POU6F2: variants seen among roughly 807,000 people sequenced by gnomAD.
POU6F2 encodes POU domain, class 6, transcription factor 2.
In POU6F2, 31 loss-of-function variants were observed where a neutral mutation model predicts 71.3. The observed-to-expected ratio is 0.43, with a 90% CI of 0.33 to 0.59. The LOEUF (loss-of-function observed/expected upper bound fraction) is 0.59, where lower values mean the gene tolerates loss of function less well. Among genes scored for constraint, POU6F2 ranks in the 20% least tolerant of loss-of-function variants. POU6F2 has a pLI of 0.04. For missense variants in POU6F2, 783 were observed against 856.8 expected (o/e 0.91, Z 1.07); for synonymous variants, 347 against 355.7 (o/e 0.98, Z 0.27).
intron 1 of POU6F2, among the ~76,000 whole-genome samples, chr7:39,011,874 G>A (rs1169698232): frequency 1.3e-5 from 2 of 150,966 alleles, no homozygotes; most frequent in African/African-American, 2.4e-5. Context: ...TGGCTTGTAG[G>A]GTTTCTGCCG....
At chr7:39,086,067 A>G in intron 2 of POU6F2, 36 bp downstream of exon 2, 1 of 1,598,014 alleles carries the variant, frequency 6.3e-7, no homozygotes, top group Non-Finnish European at 8.5e-7. Flanking sequence ...CAGTACTACC[A>G]TGTTGTCCGG....
At chr7:39,044,547 T>C (rs1213431790) in intron 1 of POU6F2, among the ~76,000 whole-genome samples, 2 of 151,986 alleles carry the variant, frequency 1.3e-5, no homozygotes, top group African/African-American at 4.8e-5. Context: ...CTGAGACTGA[T>C]AGATTTATAA....
intron 2 of POU6F2, among the ~76,000 whole-genome samples, 197 bp from the exon 3 acceptor site, chr7:39,204,038 C>A (rs1793958164): frequency 6.6e-6 from 1 of 152,158 alleles, no homozygotes; most frequent in Admixed American, 6.6e-5. Flanking sequence ...ACATTCCCTG[C>A]TGTTCTATTC....
At chr7:39,255,438 A>G (rs1784002722) in intron 4 of POU6F2, among the ~76,000 whole-genome samples, 2 of 152,208 alleles carry the variant, frequency 1.3e-5, no homozygotes, top group Admixed American at 6.5e-5. Flanking sequence ...GTTACGACTC[A>G]GGACAAAGAA....
intron 2 of POU6F2, among the ~76,000 whole-genome samples, chr7:39,116,069 C>A (rs1791922077): frequency 6.6e-6 from 1 of 152,144 alleles, no homozygotes; most frequent in Admixed American, 6.6e-5. Flanking sequence ...TATTCTCCTG[C>A]ACTCAGGGCA....
intron 4 of POU6F2, among the ~76,000 whole-genome samples, chr7:39,333,137 G>A (rs1788800202): frequency 1.3e-5 from 2 of 152,150 alleles, no homozygotes; most frequent in Admixed American, 1.3e-4. Flanking sequence ...CTGAGCAGGT[G>A]CAGCTCCCCT....
chr7:39,225,041 A>G (rs1367746699), intron 4 of POU6F2, among the ~76,000 whole-genome samples: 2 of 152,394 alleles, frequency 1.3e-5, no homozygotes, highest in East Asian at 3.9e-4. Flanking sequence ...TTGTGTTCAC[A>G]TAGAAATACC....
chr7:39,436,730 G>T (rs930724678), intron 7 of POU6F2, among the ~76,000 whole-genome samples: 1 of 152,108 alleles, frequency 6.6e-6, no homozygotes, highest in Non-Finnish European at 1.5e-5. Context: ...TCCAGCTTTT[G>T]CCCATTCAAT....
intron 1 of POU6F2, among the ~76,000 whole-genome samples, chr7:39,010,479 T>A (rs1188822354): frequency 1.3e-5 from 2 of 151,786 alleles, no homozygotes; most frequent in Non-Finnish European, 1.5e-5. Context: ...AACCAGCTCC[T>A]GGATTCATTA....
chr7:38,997,190 T>C (rs1341313461), intron 1 of POU6F2, among the ~76,000 whole-genome samples: 2 of 152,226 alleles, frequency 1.3e-5, no homozygotes, highest in African/African-American at 4.8e-5. Context: ...AGATTCTGGA[T>C]AATTTCCTTT....
intron 4 of POU6F2, among the ~76,000 whole-genome samples, chr7:39,310,015 T>C (rs1785129797): frequency 6.6e-6 from 1 of 152,160 alleles, no homozygotes; most frequent in Non-Finnish European, 1.5e-5. Flanking sequence ...GTGGAGAATT[T>C]AGCTCTTTTG....
chr7:39,291,782 A>T (rs1784761419), intron 4 of POU6F2, among the ~76,000 whole-genome samples: 1 of 152,136 alleles, frequency 6.6e-6, no homozygotes. Context: ...AATTTTTTTT[A>T]AAGCTATCTG....
intron 4 of POU6F2, among the ~76,000 whole-genome samples, chr7:39,253,797 AT>A (rs1783969584): frequency 2.0e-5 from 3 of 152,202 alleles, no homozygotes; most frequent in African/African-American, 7.2e-5. Context: ...TAAGCTTCTG[AT>A]GAAGTTATTT....
intron 1 of POU6F2, among the ~76,000 whole-genome samples, chr7:38,995,505 A>AT (rs1353253089): frequency 1.4e-4 from 21 of 151,792 alleles, no homozygotes; most frequent in Middle Eastern, 3.4e-3. Context: ...TCCCTTTGTG[A>AT]TGAAAAAAAA....
chr7:39,254,770 G>A (rs1282391982), intron 4 of POU6F2, among the ~76,000 whole-genome samples: 1 of 152,152 alleles, frequency 6.6e-6, no homozygotes, highest in African/African-American at 2.4e-5. Flanking sequence ...AAATTTTAGA[G>A]AGAAATATGA....
chr7:39,340,119 A>G (rs552577848), intron 5 of POU6F2, 104 bp downstream of exon 5: 3 of 1,401,460 alleles, frequency 2.1e-6, no homozygotes, highest in African/African-American at 1.4e-5. Context: ...CTTAGCATCC[A>G]GTTCTGCAGC....
chr7:39,154,406 T>C (rs1332570230), intron 2 of POU6F2, among the ~76,000 whole-genome samples: 5 of 152,214 alleles, frequency 3.3e-5, no homozygotes, highest in African/African-American at 1.2e-4. Flanking sequence ...AATATACATA[T>C]AGCTCTTTGC....
At chr7:39,353,873 C>T (rs1448935719) in intron 5 of POU6F2, among the ~76,000 whole-genome samples, 1 of 152,120 alleles carries the variant, frequency 6.6e-6, no homozygotes, top group Non-Finnish European at 1.5e-5. Context: ...ATAGTCACAC[C>T]GATTAAAATG....
At chr7:38,988,066 T>G (rs1375465310) in intron 1 of POU6F2, among the ~76,000 whole-genome samples, 2 of 152,130 alleles carry the variant, frequency 1.3e-5, no homozygotes, top group East Asian at 3.9e-4. Flanking sequence ...TGATCTTCTT[T>G]GAACCCCACA....
Sources: gnomAD v4.1 joint callset for allele counts (sites outside exome capture counted in the v4.1 genomes callset) on GRCh38, gnomAD v4.1.1 for gene constraint, MANE v1.5 for transcripts, NCBI Gene and HGNC (gene_info 2026-07-23, HGNC 2026-07-21) for gene names.